TYW3: variants seen among roughly 807,000 people sequenced by gnomAD.
The protein encoded by TYW3 is tRNA-yW synthesizing protein 3 homolog, also known as tRNA wybutosine-synthesizing protein 3 homolog.
Under a neutral mutation model 23.1 loss-of-function variants are expected in TYW3, and 26 were observed. That is an observed-to-expected ratio of 1.13 (90% CI 0.83 to 1.56). The LOEUF is 1.56. Among genes scored for constraint, TYW3 ranks in the 40% most tolerant of loss-of-function variants. The pLI is 0.00. For synonymous variants in TYW3, 102 were observed against 105.7 expected (o/e 0.97, Z 0.21); for missense variants, 316 against 311.9 (o/e 1.01, Z -0.10).
chr1:74,748,539 GAC>G (rs1648667743), intron 3 of TYW3: 2 of 491,862 alleles, frequency 4.1e-6, no homozygotes, highest in East Asian at 3.6e-5. Flanking sequence ...CTTTCTCAAT[GAC>G]ACATCCATAG....
chr1:74,749,988 CT>C (rs1260488708), intron 4 of TYW3: 1 of 152,142 alleles, frequency 6.6e-6, no homozygotes, highest in African/African-American at 2.4e-5. Context: ...GCCCGTAGTA[CT>C]GGTTTATGTC....
At chr1:74,740,939 C>A (rs1648334632) in intron 3 of TYW3, among the ~76,000 whole-genome samples, 1 of 152,212 alleles carries the variant, frequency 6.6e-6, no homozygotes, top group Non-Finnish European at 1.5e-5. Flanking sequence ...AAACAGGACA[C>A]CTCAACTGCT....
rs188629024 is a variant in TYW3, at chr1:74,733,618, C to G, written c.174+200C>G. 997 of 917,902 alleles carry G rather than the reference C, an allele frequency of 1.1e-3. 12 individuals carry two copies. The African/African-American group carries it at 0.016, about 15-fold the overall frequency. The allele number at this position is 917,902 out of a possible 1,614,324, so 56.9% of individuals were successfully genotyped here. On this transcript the variant is annotated intron_variant, in intron 1 of 5. Transcript: ENST00000370867. ...ACGTGGCTATTAATCAGCTGAGCAT[C>G]TTTTAAAATACAGATCCCGATTCTT... is the stretch of plus-strand genomic sequence containing the variant.
intron 5 of TYW3, among the ~76,000 whole-genome samples, chr1:74,756,994 A>C (rs2100774765): frequency 6.6e-6 from 1 of 152,360 alleles, no homozygotes; most frequent in South Asian, 2.1e-4. Context: ...GGCAGCTTCC[A>C]TGTGGTGTTG....
At chr1:74,753,643 A>G (rs769441184) in intron 5 of TYW3, among the ~76,000 whole-genome samples, 4 of 152,158 alleles carry the variant, frequency 2.6e-5, no homozygotes, top group Non-Finnish European at 4.4e-5. Context: ...AATAATTATT[A>G]TATTCATTAG....
intron 3 of TYW3, among the ~76,000 whole-genome samples, chr1:74,747,302 A>T (rs1286823181): frequency 6.6e-6 from 1 of 152,170 alleles, no homozygotes; most frequent in Non-Finnish European, 1.5e-5. Flanking sequence ...CTAGGTTTGG[A>T]GCTTGAGCAG....
chr1:74,743,988 T>C (rs971901731), intron 3 of TYW3, among the ~76,000 whole-genome samples: 1 of 152,140 alleles, frequency 6.6e-6, no homozygotes, highest in African/African-American at 2.4e-5. Context: ...GAAGGAGACA[T>C]GTACCCAAGT....
chr1:74,745,954 T>A (rs28719150), intron 3 of TYW3, among the ~76,000 whole-genome samples: 30,447 of 152,080 alleles, frequency 0.2, 4,282 homozygotes, highest in East Asian at 0.71. Context: ...CCAGTCCTGT[T>A]GGATCAGGGC....
rs768399733 is a variant in TYW3, at chr1:74,733,236, C to T, written c.-9C>T. On this transcript the variant is annotated 5_prime_UTR_variant, in exon 1 of 6. Coordinates refer to ENST00000370867, the MANE Select transcript of TYW3 (RefSeq NM_138467.3). ...AAGGAGCCGAGCGCAGACCCTGAGT[C>T]CGTCACCCATGGATCGCAGCGCGGA... is the stretch of plus-strand genomic sequence containing the variant. 5 of 1,613,448 alleles carry T rather than the reference C, an allele frequency of 3.1e-6. No homozygotes were observed. Among genetic ancestry groups the T allele is most frequent in the Non-Finnish European group, 4.2e-6 (5 of 1,179,744 alleles).
At chr1:74,738,499 A>G (rs1375408630) in intron 2 of TYW3, among the ~76,000 whole-genome samples, 191 bp from the exon 3 acceptor site, 1 of 152,252 alleles carries the variant, frequency 6.6e-6, no homozygotes, top group Non-Finnish European at 1.5e-5. Flanking sequence ...GAGAACTAGA[A>G]ATTTTAAGAA....
intron 1 of TYW3, among the ~76,000 whole-genome samples, chr1:74,735,811 A>C (rs1238722101): frequency 6.6e-6 from 1 of 152,210 alleles, no homozygotes; most frequent in East Asian, 1.9e-4. Flanking sequence ...CAGACAGCAG[A>C]GTCTCTTGTG....
Position 74,733,361 on chromosome 1 carries a change from G to A in TYW3, c.117G>A (p.Met39Ile). The A allele has an allele frequency of 6.2e-7, 1 of 1,614,194 alleles. No individual in the cohort carries two copies. Among genetic ancestry groups the A allele is most frequent in the Non-Finnish European group, 8.5e-7 (1 of 1,180,030 alleles). Residue 39 changes from methionine to isoleucine, a missense_variant, in exon 1 of 6, where the codon ATG (methionine) becomes ATA (isoleucine). Transcript: ENST00000370867. ...TAGAGCTTGTGCAGTTTCTGAACAT[G>A]CGAGATCAGTTTTTCACCACCAGCT... ...DVVELVQFLN[M>I]RDQFFTTSSC... is the part of the protein sequence containing the mutation.
At chr1:74,735,086 G>C (rs1046726889) in intron 1 of TYW3, among the ~76,000 whole-genome samples, 3 of 152,094 alleles carry the variant, frequency 2.0e-5, no homozygotes, top group African/African-American at 7.2e-5. Context: ...CTTGATTTTT[G>C]CAATGGTTCT....
chr1:74,745,093 A>G (rs1648509551), intron 3 of TYW3, among the ~76,000 whole-genome samples: 1 of 152,028 alleles, frequency 6.6e-6, no homozygotes, highest in African/African-American at 2.4e-5. Context: ...CAGCTCTTAA[A>G]GGTGGCCCAT....
chr1:74,759,397 A>T, intron 5 of TYW3, among the ~76,000 whole-genome samples: 1 of 134,738 alleles, frequency 7.4e-6, no homozygotes. Flanking sequence ...TTTGGTAGAG[A>T]TGAGGTCTTT....
At chr1:74,743,803 C>A (rs1174394278) in intron 3 of TYW3, among the ~76,000 whole-genome samples, 1 of 152,182 alleles carries the variant, frequency 6.6e-6, no homozygotes, top group Non-Finnish European at 1.5e-5. Flanking sequence ...TCTCGGGCTG[C>A]AGCTAAAGCC....
chr1:74,765,871 G>A lies in TYW3; in HGVS notation c.*1758G>A. The A allele has an allele frequency of 6.6e-6, 1 of 152,164 alleles. No homozygotes were observed. The highest frequency in any genetic ancestry group is 2.1e-4 in the South Asian group (1 of 4,810). 9.4% of individuals were successfully genotyped at this position (152,164 alleles called of 1,614,324 possible). On this transcript the variant is annotated 3_prime_UTR_variant, in exon 6 of 6. Coordinates refer to ENST00000370867, the MANE Select transcript of TYW3 (RefSeq NM_138467.3). ...CTGCTTCCTAATCTGTTTATATAAGGTATAGTATAGTATAATCTGTTTATA... is the reference window on the plus strand; with the variant it reads ...CTGCTTCCTAATCTGTTTATATAAGATATAGTATAGTATAATCTGTTTATA...
At chr1:74,739,752 G>T (rs1418009546) in intron 3 of TYW3, among the ~76,000 whole-genome samples, 1 of 152,248 alleles carries the variant, frequency 6.6e-6, no homozygotes, top group African/African-American at 2.4e-5. Flanking sequence ...ACTCAGTTCT[G>T]CTTCAGCATA....
At chr1:74,760,480 C>T (rs1649104971) in intron 5 of TYW3, among the ~76,000 whole-genome samples, 1 of 152,208 alleles carries the variant, frequency 6.6e-6, no homozygotes, top group African/African-American at 2.4e-5. Context: ...CCTAATTCCT[C>T]TCTTAGCACA....
Sources: gnomAD v4.1 joint callset for allele counts (sites outside exome capture counted in the v4.1 genomes callset) on GRCh38, gnomAD v4.1.1 for gene constraint, MANE v1.5 for transcripts, NCBI Gene and HGNC (gene_info 2026-07-23, HGNC 2026-07-21) for gene names.